Variants in CDH18 observed in about 807,000 individuals in gnomAD.
CDH18 encodes cadherin-18.
Under a neutral mutation model 67.9 loss-of-function variants are expected in CDH18, and 31 were observed. That is an observed-to-expected ratio of 0.46 (90% CI 0.34 to 0.62). The LOEUF is 0.62. CDH18 is among the 20% of genes least tolerant of loss of function. The pLI, the probability that CDH18 is intolerant of heterozygous loss-of-function variation, is 0.01. For missense variants in CDH18, 890 were observed against 975.5 expected (o/e 0.91, Z 1.17); for synonymous variants, 362 against 347.2 (o/e 1.04, Z -0.48).
chr5:20,053,596 T>C lies in CDH18; in HGVS notation c.-517-61582A>G, dbSNP rs59778449. ...TATTTCTCACAAACACTAAAATGAA[T>C]CTTATCAGTCCTTCCTTCAAAATAT... On this transcript the variant is annotated intron_variant, in intron 2 of 14. Coordinates refer to the CDH18 transcript ENST00000507958. Among the ~76,000 whole-genome samples the C allele has an allele frequency of 2.3e-3, 356 of 152,210 alleles. 7 individuals carry two copies. In the East Asian group the frequency reaches 0.063, roughly 27 times the overall value.
chr5:19,567,263 G>C (rs1442025950), intron 8 of CDH18, among the ~76,000 whole-genome samples: 1 of 152,098 alleles, frequency 6.6e-6, no homozygotes, highest in African/African-American at 2.4e-5. Flanking sequence ...AGTTGAAACA[G>C]ACAAAACCTA....
chr5:19,871,175 TTCCTAAGC>T (rs1261769032), intron 2 of CDH18, among the ~76,000 whole-genome samples: 1 of 152,108 alleles, frequency 6.6e-6, no homozygotes, highest in Non-Finnish European at 1.5e-5. Flanking sequence ...AAAATCCAAA[TTCCTAAGC>T]TTTTTTAAAA....
At chr5:19,988,849 G>C (rs1315092720), upstream of CDH18, among the ~76,000 whole-genome samples, 1 of 152,116 alleles carries the variant, frequency 6.6e-6, no homozygotes, top group Non-Finnish European at 1.5e-5. Flanking sequence ...TTCACCCAAA[G>C]TACTCAAGGT....
chr5:20,076,402 T>C (rs546051760), intron 2 of CDH18, among the ~76,000 whole-genome samples: 11 of 152,222 alleles, frequency 7.2e-5, no homozygotes, highest in African/African-American at 2.2e-4. Context: ...CTTCATGAAT[T>C]GAGATGGCAA....
At chr5:19,605,786 A>T (rs1215641105) in intron 6 of CDH18, among the ~76,000 whole-genome samples, 1 of 152,122 alleles carries the variant, frequency 6.6e-6, no homozygotes, top group African/African-American at 2.4e-5. Context: ...GTGCTGGTTG[A>T]AAGAGTCCAA....
At chr5:19,890,737 G>A (rs1319081384) in intron 2 of CDH18, among the ~76,000 whole-genome samples, 3 of 151,944 alleles carry the variant, frequency 2.0e-5, no homozygotes, top group Non-Finnish European at 4.4e-5. Flanking sequence ...TGGGATTATA[G>A]GCGCCCACCA....
intron 8 of CDH18, among the ~76,000 whole-genome samples, chr5:19,547,019 G>C (rs141042454): frequency 6.6e-6 from 1 of 152,096 alleles, no homozygotes; most frequent in Non-Finnish European, 1.5e-5. Flanking sequence ...AGATGCTACA[G>C]AATAGTGGGA....
At chr5:20,477,902 T>C (rs1487234437) in intron 1 of CDH18, among the ~76,000 whole-genome samples, 1 of 152,084 alleles carries the variant, frequency 6.6e-6, no homozygotes, top group African/African-American at 2.4e-5. Context: ...TCTTACAACT[T>C]GGATATCAGC....
At chr5:20,095,355 G>GA (rs1554089618) in intron 2 of CDH18, among the ~76,000 whole-genome samples, 63 of 91,588 alleles carry the variant, frequency 6.9e-4, no homozygotes, top group African/African-American at 2.5e-3. Context: ...AAGAAAGAAA[G>GA]AAAGAAAAGA....
In CDH18 at chr5:19,866,919, G is replaced by A. The variant is rs186043675; in HGVS notation, c.-256-27677C>T. On this transcript the variant is annotated intron_variant, in intron 2 of 12. Transcript: ENST00000382275. ...AGACTGGCCAAGATGCTGAAACCTG[G>A]TCTCTACTAAAAATACAAAAATTAA... is the stretch of plus-strand genomic sequence containing the variant. 2.8e-3 allele frequency among the ~76,000 whole-genome samples: 433 copies of A among 152,088 alleles called. 1 individual carries two copies. Among genetic ancestry groups the A allele is most frequent in the Non-Finnish European group, 4.8e-3 (329 of 67,980 alleles).
At chr5:20,489,682 C>A (rs1197042317) in intron 1 of CDH18, among the ~76,000 whole-genome samples, 1 of 151,818 alleles carries the variant, frequency 6.6e-6, no homozygotes, top group Non-Finnish European at 1.5e-5. Context: ...TCCAATTATG[C>A]CTTAGGTTAA....
chr5:19,811,157 AGAAG>A (rs747907563), intron 3 of CDH18, among the ~76,000 whole-genome samples: 13,199 of 30,766 alleles, frequency 0.43, 3,376 homozygotes, highest in African/African-American at 0.46. Context: ...AAAGAAAGAA[AGAAG>A]GAGAGAAAGA....
intron 5 of CDH18, among the ~76,000 whole-genome samples, chr5:19,622,420 G>T (rs1031539134): frequency 6.6e-6 from 1 of 152,168 alleles, no homozygotes; most frequent in Non-Finnish European, 1.5e-5. Context: ...ACCATTTAGA[G>T]AAAATGATCT....
At chr5:20,089,354 A>G (rs952442164) in intron 2 of CDH18, among the ~76,000 whole-genome samples, 3 of 152,088 alleles carry the variant, frequency 2.0e-5, no homozygotes, top group Non-Finnish European at 4.4e-5. Context: ...AACTATGTGT[A>G]TATCAAGTGA....
intron 1 of CDH18, among the ~76,000 whole-genome samples, chr5:20,355,656 C>T (rs1047084728): frequency 1.3e-5 from 2 of 152,158 alleles, no homozygotes; most frequent in Non-Finnish European, 2.9e-5. Flanking sequence ...AAAAAATCTA[C>T]CTCATGATAA....
At chr5:19,509,395 C>T (rs1284099410) in intron 10 of CDH18, among the ~76,000 whole-genome samples, 1 of 152,082 alleles carries the variant, frequency 6.6e-6, no homozygotes, top group East Asian at 1.9e-4. Context: ...CACCAGTATA[C>T]AACATACCCA....
At chr5:19,484,572 A>G (rs1740043732) in intron 11 of CDH18, among the ~76,000 whole-genome samples, 1 of 150,612 alleles carries the variant, frequency 6.6e-6, no homozygotes, top group East Asian at 1.9e-4. Context: ...GTAGCTATAG[A>G]TTGCCACCTG....
At chr5:20,456,265 T>G (rs1388672659) in intron 1 of CDH18, among the ~76,000 whole-genome samples, 1 of 152,104 alleles carries the variant, frequency 6.6e-6, no homozygotes, top group Non-Finnish European at 1.5e-5. Context: ...GAAATAAATA[T>G]GTCCTTATTT....
intron 5 of CDH18, among the ~76,000 whole-genome samples, chr5:19,640,650 A>G (rs1453228584): frequency 6.6e-6 from 1 of 152,104 alleles, no homozygotes; most frequent in Admixed American, 6.5e-5. Context: ...ACAAACAAAG[A>G]TAAAATCAAA....
Sources: allele counts gnomAD v4.1 joint callset (sites outside exome capture counted in the v4.1 genomes callset), GRCh38; gene constraint gnomAD v4.1.1; transcripts MANE v1.5; gene names NCBI Gene and HGNC (gene_info 2026-07-23, HGNC 2026-07-21).